The following TARBP1 variants were observed in gnomAD, a reference collection of about 807,000 sequenced individuals.
The protein encoded by TARBP1 is tRNA guanosine 2 -O-methyltransferase TARBP1, also known as tRNA (guanosine(18)-2'-O)-methyltransferase TARBP1.
A neutral mutation model predicts 178.6 loss-of-function variants in TARBP1; 144 were observed. The ratio of observed to expected loss-of-function variants is 0.81; its 90% CI spans 0.70 to 0.93. The LOEUF is 0.93. Among genes scored for constraint, TARBP1 ranks in the 40% least tolerant of loss-of-function variants. TARBP1 has a pLI of 0.00. For synonymous variants in TARBP1, 787 were observed against 781.0 expected, an observed-to-expected ratio of 1.01 and a Z score of -0.13; for missense variants, 2,067 against 2,011.7, an observed-to-expected ratio of 1.03 and a Z score of -0.53.
At position 234,459,211 on chromosome 1, in the gene TARBP1, T is replaced by C; in HGVS notation, c.1632+19A>G. 1 of 1,595,142 alleles carries C rather than the reference T, an allele frequency of 6.3e-7. No individual in the cohort carries two copies. Among genetic ancestry groups the C allele is most frequent in the Non-Finnish European group, 8.6e-7 (1 of 1,169,418 alleles). On this transcript the variant is annotated intron_variant, in intron 8 of 29. Coordinates refer to ENST00000040877, the MANE Select transcript of TARBP1 (RefSeq NM_005646.4). The stretch of plus-strand genomic sequence containing the variant: ...ACTAAGAAAGACTTGTAAATGGAAG[T>C]AACAAAAGAAAAACTTACCACATCT...
Position 234,420,811 on chromosome 1 carries a change from T to C in TARBP1, c.3446A>G (p.Asp1149Gly), listed in dbSNP as rs377306097. The C allele has an allele frequency of 3.8e-6, 6 of 1,573,248 alleles. No homozygotes were observed. The Admixed American group carries it at 8.6e-5, about 23-fold the overall frequency. Residue 1149 changes from aspartate to glycine, a missense_variant and splice_region_variant, in exon 21 of 30, where the codon GAT (aspartate) becomes GGT (glycine). By Grantham distance (94) the Asp-to-Gly change is moderately conservative. Coordinates refer to ENST00000040877, the MANE Select transcript of TARBP1 (RefSeq NM_005646.4). ...EDLAIKLLDKDELVSKSKKRY... is the reference protein window; with the variant it reads ...EDLAIKLLDKGELVSKSKKRY... The stretch of plus-strand genomic sequence containing the variant: ...TTTTTTGGACTTGGACACTAATTCA[T>C]CCTGGAAAGGAGAAGGGAGGGAGTC...
chr1:234,478,526 C>T lies in TARBP1; in HGVS notation c.578G>A (p.Gly193Glu), dbSNP rs1199997824. ...TTGGACCAGCACTGGCAGCAGTCGC[C>T]CGGCCACCAGCGCCGCCGCGTCCTC... ...PAEDAAALVA[G>E]RLLPVLVQCG... Residue 193 changes from glycine (G) to glutamate (E), a missense_variant, in exon 1 of 30, where the codon GGG becomes GAG. Coordinates refer to ENST00000040877, the MANE Select transcript of TARBP1 (RefSeq NM_005646.4). 6 of 1,375,184 alleles carry T rather than the reference C, an allele frequency of 4.4e-6. No homozygotes were observed. Among genetic ancestry groups the T allele is most frequent in the African/African-American group, 1.5e-5 (1 of 65,354 alleles). The allele number at this position is 1,375,184 out of a possible 1,614,324, so 85.2% of individuals were successfully genotyped here.
chr1:234,445,887 A>G (rs12726245), intron 12 of TARBP1, among the ~76,000 whole-genome samples: 45,627 of 151,778 alleles, frequency 0.3, 7,055 homozygotes, highest in Admixed American at 0.41. Context: ...ATTTTTCAAG[A>G]GCACATGTGA....
chr1:234,469,106 C>A (rs115983225), intron 3 of TARBP1, among the ~76,000 whole-genome samples: 1,534 of 113,312 alleles, frequency 0.014, 33 homozygotes, highest in African/African-American at 0.046. Flanking sequence ...AAAACCGCAA[C>A]GACTTTCGCA....
chr1:234,401,775 C>T (rs573375740), intron 24 of TARBP1, among the ~76,000 whole-genome samples: 2 of 152,268 alleles, frequency 1.3e-5, no homozygotes, highest in African/African-American at 4.8e-5. Context: ...GGCAAGATCA[C>T]GCTCCTGCCC....
chr1:234,413,494 T>C (rs548632591), intron 22 of TARBP1, among the ~76,000 whole-genome samples: 4 of 138,964 alleles, frequency 2.9e-5, no homozygotes, highest in African/African-American at 1.1e-4. Context: ...ACAAAACACA[T>C]TGTTTACACC....
chr1:234,409,835 T>A (rs929161146), intron 23 of TARBP1, among the ~76,000 whole-genome samples: 3 of 152,244 alleles, frequency 2.0e-5, no homozygotes, highest in Non-Finnish European at 4.4e-5. Flanking sequence ...TGCAATAATA[T>A]AGAATCTTAT....
chr1:234,456,397 C>T (rs928976089), intron 9 of TARBP1, among the ~76,000 whole-genome samples: 3 of 152,148 alleles, frequency 2.0e-5, no homozygotes, highest in South Asian at 2.1e-4. Context: ...GACGGGGTTT[C>T]GCCATGCTGG....
At chr1:234,449,574 T>A (rs1429168634) in intron 10 of TARBP1, among the ~76,000 whole-genome samples, 3 of 152,126 alleles carry the variant, frequency 2.0e-5, no homozygotes, top group African/African-American at 7.2e-5. Context: ...TCTTCCAATG[T>A]AACAGCATAA....
chr1:234,392,395 T>C (rs373162240), intron 29 of TARBP1, 21 bp downstream of exon 29: 6 of 1,611,758 alleles, frequency 3.7e-6, no homozygotes, highest in Non-Finnish European at 5.1e-6. Flanking sequence ...GAATATACTA[T>C]GGACACAAGA....
chr1:234,437,539 A>C (rs1665156953), intron 12 of TARBP1, among the ~76,000 whole-genome samples, 167 bp from the exon 13 acceptor site: 1 of 152,222 alleles, frequency 6.6e-6, no homozygotes, highest in Admixed American at 6.5e-5. Context: ...GCTATACTTA[A>C]TCTTAAGTCA....
In TARBP1 at chr1:234,437,300, C is replaced by A; in HGVS notation, c.2207G>T (p.Arg736Ile). 1 of 1,583,642 alleles carries A rather than the reference C, an allele frequency of 6.3e-7. No homozygotes were observed. Among genetic ancestry groups the A allele is most frequent in the South Asian group, 1.2e-5 (1 of 85,372 alleles). ...ACTATTTAGCTCATTCATAGTAAGT[C>A]TTCTGAGAATAAATTCAGAAATGCT... ...TESISEFILRRLTMNELNSVS... is the reference protein window; with the variant it reads ...TESISEFILRILTMNELNSVS... The change falls in exon 13 of 30, where the codon AGA becomes ATA. Residue 736 changes from arginine (R) to isoleucine (I), a missense_variant. Transcript: ENST00000040877.
In TARBP1 at chr1:234,430,171, AG is replaced by A. The variant is rs1400759011; in HGVS notation, c.2524del (p.Leu842PhefsTer43). The A allele has an allele frequency of 4.3e-6, 7 of 1,614,172 alleles. No individual in the cohort carries two copies. Among genetic ancestry groups the A allele is most frequent in the Non-Finnish European group, 5.1e-6 (6 of 1,180,028 alleles). On this transcript the variant is annotated frameshift_variant, in exon 15 of 30. Coordinates refer to ENST00000040877, the MANE Select transcript of TARBP1 (RefSeq NM_005646.4). LOFTEE classifies it high-confidence loss of function. ...CGTCTGATTGAGCTGAAGAGAGGAA[AG>A]GAAGCTTTCCAGGGGCCCAGCATGG... ...SLHAGPLESF[L>X]SSLQLNQTLQ...
intron 28 of TARBP1, 165 bp from the exon 29 acceptor site, chr1:234,392,717 T>C: frequency 2.0e-6 from 1 of 511,254 alleles, no homozygotes; most frequent in Non-Finnish European, 3.1e-6. Flanking sequence ...CAATTTCTTT[T>C]TTTTTTTTTT....
chr1:234,433,456 A>G lies in TARBP1; in HGVS notation c.2348T>C (p.Leu783Ser), dbSNP rs1664684802. The G allele has an allele frequency of 6.2e-7, 1 of 1,613,918 alleles. No individual in the cohort carries two copies. Among genetic ancestry groups the G allele is most frequent in the South Asian group, 1.1e-5 (1 of 91,074 alleles). ...AAGATGCTGAATGGATGCATTTTTC[A>G]AAAGAGAAATAACTCTCCAGATAGG... is the stretch of plus-strand genomic sequence containing the variant. ...GNPIWRVISL[L>S]KNASIQHLQE... Residue 783 changes from leucine (L) to serine (S), a missense_variant, in exon 14 of 30, where the codon TTG becomes TCG. Leu to Ser is a moderately radical substitution (Grantham distance 145). Coordinates refer to ENST00000040877, the MANE Select transcript of TARBP1 (RefSeq NM_005646.4).
intron 22 of TARBP1, among the ~76,000 whole-genome samples, chr1:234,415,260 G>C (rs1184202535): frequency 6.6e-6 from 1 of 152,178 alleles, no homozygotes; most frequent in African/African-American, 2.4e-5. Context: ...CAAAGACTCA[G>C]TGGAAGAATT....
chr1:234,426,449 T>C (rs1663780268), intron 19 of TARBP1, among the ~76,000 whole-genome samples: 1 of 152,204 alleles, frequency 6.6e-6, no homozygotes, highest in Admixed American at 6.5e-5. Context: ...AATTGACTTT[T>C]ATTGCCACAC....
chr1:234,472,355 A>AG (rs1558261610), intron 2 of TARBP1, among the ~76,000 whole-genome samples: 2 of 136,138 alleles, frequency 1.5e-5, no homozygotes, highest in African/African-American at 2.9e-5. Flanking sequence ...AAAAAAAAAA[A>AG]AACTCAAAAG....
chr1:234,394,068 GAT>G (rs1197980889), intron 26 of TARBP1, among the ~76,000 whole-genome samples: 2 of 152,090 alleles, frequency 1.3e-5, no homozygotes, highest in Non-Finnish European at 2.9e-5. Context: ...AACATATTAT[GAT>G]ACTTCATGGA....
Sources: allele counts gnomAD v4.1 joint callset (sites outside exome capture counted in the v4.1 genomes callset), GRCh38; gene constraint gnomAD v4.1.1; transcripts MANE v1.5; gene names NCBI Gene and HGNC (gene_info 2026-07-23, HGNC 2026-07-21).